Variants in PDE4A observed in about 807,000 individuals in gnomAD.
PDE4A encodes the protein 3',5'-cyclic-AMP phosphodiesterase 4A.
A neutral mutation model predicts 73.9 loss-of-function variants in PDE4A; 21 were observed. The ratio of observed to expected loss-of-function variants is 0.28; its 90% CI spans 0.20 to 0.41. PDE4A has a LOEUF of 0.41. PDE4A is among the 10% of genes least tolerant of loss of function. The probability of loss-of-function intolerance (pLI) is 1.00; values close to 1 mark genes in which losing one functional copy is unlikely to be tolerated. For missense variants in PDE4A, 958 were observed against 1,211.4 expected, an observed-to-expected ratio of 0.79 and a Z score of 3.10; for synonymous variants, 463 against 505.4, an observed-to-expected ratio of 0.92 and a Z score of 1.13.
intron 1 of PDE4A, among the ~76,000 whole-genome samples, chr19:10,433,267 C>A (rs2145478942): frequency 6.6e-6 from 1 of 152,212 alleles, no homozygotes; most frequent in African/African-American, 2.4e-5. Flanking sequence ...TGACTCATGG[C>A]CACACACAGG....
Position 10,461,608 on chromosome 19 carries a change from G to A in PDE4A, c.1548G>A (p.Glu516=), listed in dbSNP as rs1015183729. ...HLAVGFKLLQ[E]DNCDIFQNLS... is the part of the protein sequence containing the mutation. ...CCGTGGGCTTCAAGCTGCTGCAGGA[G>A]GACAACTGCGACATCTTCCAGAACC... Residue 516 remains glutamate (E), a synonymous_variant, in exon 12 of 15, where the codon GAG becomes GAA. Transcript: ENST00000380702. 3.7e-6 allele frequency: 6 copies of A among 1,613,752 alleles called. No individual in the cohort carries two copies. Among genetic ancestry groups the A allele is most frequent in the Non-Finnish European group, 4.2e-6 (5 of 1,179,942 alleles).
intron 2 of PDE4A, among the ~76,000 whole-genome samples, chr19:10,447,121 C>CACCGTGTTAGCCAGGATGGTCTT (rs2043017708): frequency 6.9e-6 from 1 of 144,418 alleles, no homozygotes; most frequent in Non-Finnish European, 1.5e-5. Context: ...AGGATGGTCT[C>CACCGTGTTAGCCAGGATGGTCTT]GATCTCCTGA....
At chr19:10,425,984 CAAAAAAAAA>C (rs1168197109) in intron 1 of PDE4A, among the ~76,000 whole-genome samples, 972 of 48,338 alleles carry the variant, frequency 0.02, 12 homozygotes, top group African/African-American at 0.08. Context: ...GAGACCCTGT[CAAAAAAAAA>C]AAAAAAAAAA....
At chr19:10,450,756 C>T (rs2043077074) in intron 5 of PDE4A, 73 bp from the exon 6 acceptor site, 2 of 1,578,412 alleles carry the variant, frequency 1.3e-6, no homozygotes, top group South Asian at 1.2e-5. Flanking sequence ...CGAACCCCGT[C>T]ACGGCGGTCT....
chr19:10,431,263 A>G (rs1054472484), intron 1 of PDE4A, among the ~76,000 whole-genome samples: 1 of 152,232 alleles, frequency 6.6e-6, no homozygotes, highest in African/African-American at 2.4e-5. Flanking sequence ...TAGGGCATGC[A>G]GTAGACGTTT....
intron 4 of PDE4A, 49 bp from the exon 5 acceptor site, chr19:10,450,554 G>A (rs1295702704): frequency 1.9e-6 from 3 of 1,553,458 alleles, no homozygotes. Flanking sequence ...CAGGGACCTG[G>A]TGGGGGGACC....
chr19:10,420,895 A>T lies in PDE4A; in HGVS notation c.131A>T (p.Gln44Leu), dbSNP rs746532397. The T allele has an allele frequency of 1.9e-6, 3 of 1,588,760 alleles. No homozygotes were observed. The highest frequency in any genetic ancestry group is 2.6e-6 in the Non-Finnish European group (3 of 1,175,808). ...WRQPRTPIRI[Q>L]QRGYSDSAER... ...CAGCCTCGGACCCCCATCCGTATCC[A>T]GCAGCGCGGCTACTCCGACAGCGCG... The change falls in exon 1 of 15, where the codon CAG becomes CTG. Residue 44 changes from glutamine to leucine, a missense_variant. Coordinates refer to ENST00000380702, the MANE Select transcript of PDE4A (RefSeq NM_001111307.2). This position sits in a 1 kb window ranked among gnomAD's most constrained non-coding sequence, Gnocchi z 6.0.
In PDE4A at chr19:10,459,488, T is replaced by C. The variant is rs749304180; in HGVS notation, c.1190T>C (p.Met397Thr). The change falls in exon 9 of 15, where the codon ATG (methionine) becomes ACG (threonine). Residue 397 changes from methionine to threonine, a missense_variant. Around this residue, in one of 3 missense-constraint regions of PDE4A, gnomAD observed 570 missense variants for 827.7 expected, o/e 0.69. Transcript: ENST00000380702. The part of the protein sequence containing the change: ...GGRSLTCIMY[M>T]IFQERDLLKK... The stretch of plus-strand genomic sequence containing the variant: ...CGCTCACTCACCTGCATCATGTACA[T>C]GATATTCCAGGTGATGGGGACAGCT... The C allele has an allele frequency of 5.6e-6, 9 of 1,613,592 alleles. No individual in the cohort carries two copies. The highest frequency in any genetic ancestry group is 1.3e-5 in the African/African-American group (1 of 74,872).
At chr19:10,466,318 G>A (rs185781666) in intron 14 of PDE4A, among the ~76,000 whole-genome samples, 1,516 of 148,550 alleles carry the variant, frequency 0.01, 25 homozygotes, top group African/African-American at 0.035. Context: ...GATGGCGGGC[G>A]CCTGTAGTCC....
At chr19:10,416,797 G>T (rs1271310464), upstream of PDE4A, 24 of 1,518,760 alleles carry the variant, frequency 1.6e-5, no homozygotes, top group Non-Finnish European at 2.1e-5. Flanking sequence ...AGAGGCAATA[G>T]GCAAGTGGCG....
chr19:10,461,057 C>T lies in PDE4A; in HGVS notation c.1419C>T (p.His473=), dbSNP rs571471434. 149 of 1,613,730 alleles carry T rather than the reference C, an allele frequency of 9.2e-5. 1 individual carries two copies. In the South Asian group the frequency reaches 1.4e-3, roughly 15 times the overall value. ...ILAALFAAAI[H]DVDHPGVSNQ... is the part of the protein sequence containing the mutation. ...CCGCCCTCTTCGCGGCTGCCATCCA[C>T]GATGTGGATCACCCTGGGGTCTCCA... The change falls in exon 11 of 15, where the codon CAC becomes CAT. Residue 473 remains histidine (H), a synonymous_variant. Transcript: ENST00000380702.
Position 10,467,798 on chromosome 19 carries a change from A to G in PDE4A, c.*177A>G. 1 of 436,102 alleles carries G rather than the reference A, an allele frequency of 2.3e-6. No individual in the cohort carries two copies. Among genetic ancestry groups the G allele is most frequent in the Non-Finnish European group, 3.9e-6 (1 of 256,644 alleles). The allele number at this position is 436,102 out of a possible 1,614,324, so 27.0% of individuals were successfully genotyped here. Reference sequence around the variant, plus strand: ...TTCCCCTTTCCCCCTGCCCCCACCCACGGGGCCTTTTTTTGGAGGTGGGGG... The same window carrying G: ...TTCCCCTTTCCCCCTGCCCCCACCCGCGGGGCCTTTTTTTGGAGGTGGGGG... On this transcript the variant is annotated 3_prime_UTR_variant, in exon 15 of 15. Coordinates refer to ENST00000380702, the MANE Select transcript of PDE4A (RefSeq NM_001111307.2).
Position 10,453,477 on chromosome 19 carries a change from G to A in PDE4A, c.784-1352G>A. On this transcript the variant is annotated intron_variant, in intron 6 of 14. Transcript: ENST00000380702. The surrounding 1 kb of genome is among the most constrained non-coding windows in gnomAD (Gnocchi z 4.6). ...TGTGGCCCAGGGCTGGGCGTGGATG[G>A]CGGGCAGCTGGGGGTGTGTGACTCT... 1 of 1,025,666 alleles carries A rather than the reference G, an allele frequency of 9.7e-7. No homozygotes were observed. The highest frequency in any genetic ancestry group is 1.4e-6 in the Non-Finnish European group (1 of 735,052). The allele number at this position is 1,025,666 out of a possible 1,614,324, so 63.5% of individuals were successfully genotyped here. A position where few individuals can be genotyped will look rare whatever the true frequency, so the allele number is the denominator to read the frequency against.
Position 10,459,764 on chromosome 19 carries a change from G to A in PDE4A, c.1365+5G>A. 2 of 1,600,292 alleles carry A rather than the reference G, an allele frequency of 1.2e-6. No homozygotes were observed. Among genetic ancestry groups the A allele is most frequent in the Non-Finnish European group, 1.7e-6 (2 of 1,170,348 alleles). ...CTGGCCACGCCTGCACTAGATGTGA[G>A]TGACTGCCCTGTGAGTGACCGTCCC... is the stretch of plus-strand genomic sequence containing the variant. On this transcript the variant is annotated splice_donor_5th_base_variant and intron_variant, in intron 10 of 14. Coordinates refer to ENST00000380702, the MANE Select transcript of PDE4A (RefSeq NM_001111307.2).
At chr19:10,446,488 G>C (rs2043006836) in intron 2 of PDE4A, 79 bp downstream of exon 2, 1 of 1,520,526 alleles carries the variant, frequency 6.6e-7, no homozygotes, top group Admixed American at 2.0e-5. Flanking sequence ...AGGGAGTCGG[G>C]GGGCACCCAC....
At position 10,467,275 on chromosome 19, in the gene PDE4A, C is replaced by T; in HGVS notation, c.2315C>T (p.Ala772Val). Reference sequence around the variant, plus strand: ...ATGGCACAGGAAGCATCCCTGGAGGCCGAGCTGGAGGCAGTGTATTTGACA... The same window carrying T: ...ATGGCACAGGAAGCATCCCTGGAGGTCGAGCTGGAGGCAGTGTATTTGACA... ...EVMAQEASLE[A>V]ELEAVYLTQQ... The change falls in exon 15 of 15, where the codon GCC (alanine) becomes GTC (valine). Residue 772 changes from alanine (A) to valine (V), a missense_variant. This residue lies in a region of PDE4A where 243 missense variants were observed against 245.9 expected (regional missense o/e 0.99). Coordinates refer to ENST00000380702, the MANE Select transcript of PDE4A (RefSeq NM_001111307.2). 2 of 1,614,186 alleles carry T rather than the reference C, an allele frequency of 1.2e-6. No individual in the cohort carries two copies. Among genetic ancestry groups the T allele is most frequent in the Non-Finnish European group, 1.7e-6 (2 of 1,180,038 alleles).
chr19:10,420,537 A>AGCGCGGG, upstream of PDE4A: 9 of 1,131,598 alleles, frequency 8.0e-6, no homozygotes, highest in Non-Finnish European at 9.8e-6. The surrounding 1 kb of genome is among the most constrained non-coding windows in gnomAD (Gnocchi z 6.0). Flanking sequence ...CGGAGCGCGG[A>AGCGCGGG]GAGCGCCGCC....
At chr19:10,432,273 G>A (rs1366461173) in intron 1 of PDE4A, among the ~76,000 whole-genome samples, 2 of 151,216 alleles carry the variant, frequency 1.3e-5, no homozygotes, top group Non-Finnish European at 2.9e-5. Context: ...GTGCAGACCC[G>A]GGAACGCTCG....
chr19:10,450,858 ACT>A lies in PDE4A; in HGVS notation c.703_704del (p.Leu235GlyfsTer34), dbSNP rs1207837360. The A allele has an allele frequency of 6.2e-7, 1 of 1,611,398 alleles. No homozygotes were observed. Among genetic ancestry groups the A allele is most frequent in the Non-Finnish European group, 8.5e-7 (1 of 1,178,976 alleles). On this transcript the variant is annotated frameshift_variant, in exon 6 of 15. Coordinates refer to ENST00000380702, the MANE Select transcript of PDE4A (RefSeq NM_001111307.2). LOFTEE classifies it high-confidence loss of function. ...AACGTGTCAGCAGTTGGCCCGGGAG[ACT>A]CTGGAGGAGCTGGACTGGTGTCTGG... ...EETCQQLARE[T>X]LEELDWCLEQ...
Sources: gnomAD v4.1 joint callset for allele counts (sites outside exome capture counted in the v4.1 genomes callset) on GRCh38, gnomAD v4.1.1 for gene constraint, gnomAD v4.1.1 regional missense constraint, Gnocchi (gnomAD v3.1) non-coding constraint, MANE v1.5 for transcripts, NCBI Gene and HGNC (gene_info 2026-07-23, HGNC 2026-07-21) for gene names.